PLXNA4: variants seen among roughly 807,000 people sequenced by gnomAD.
PLXNA4 encodes the protein plexin-A4.
PLXNA4 carries 44 observed loss-of-function variants against 191.8 expected under a neutral mutation model. The observed-to-expected ratio is 0.23, with a 90% CI of 0.18 to 0.29. The LOEUF is 0.29. Ranked by LOEUF, PLXNA4 falls within the 10% of genes least tolerant of loss-of-function variation. The probability of loss-of-function intolerance (pLI) is 1.00; values close to 1 mark genes in which losing one functional copy is unlikely to be tolerated. For synonymous variants in PLXNA4, 1,082 were observed against 1,009.5 expected (o/e 1.07, Z -1.36); for missense variants, 1,800 against 2,488.8 (o/e 0.72, Z 5.89).
In PLXNA4 at chr7:132,227,371, T is replaced by TC. The variant is rs1391290996; in HGVS notation, c.1882+79dup. 4.7e-5 allele frequency: 74 copies of TC among 1,571,204 alleles called. 1 individual carries two copies. The Middle Eastern group carries it at 9.6e-4, about 20-fold the overall frequency. ...CTCTCCTGCCTGCAGGTTGCTTTGA[T>TC]CCCCCCACATCTGTCCTGAGTTCTC... On this transcript the variant is annotated intron_variant, in intron 7 of 31. Transcript: ENST00000321063.
intron 3 of PLXNA4, among the ~76,000 whole-genome samples, chr7:132,416,179 G>A (rs1183727262): frequency 6.6e-6 from 1 of 152,204 alleles, no homozygotes; most frequent in Non-Finnish European, 1.5e-5. Flanking sequence ...GCTAGATGAT[G>A]GCAAATAGAA....
intron 25 of PLXNA4, among the ~76,000 whole-genome samples, chr7:132,156,497 G>A (rs1241520068): frequency 6.6e-6 from 1 of 152,206 alleles, no homozygotes; most frequent in African/African-American, 2.4e-5. Context: ...GAGCTGGCCT[G>A]GGATGGGTGC....
chr7:132,555,413 T>C (rs1370674334), intron 1 of PLXNA4, among the ~76,000 whole-genome samples: 3 of 152,204 alleles, frequency 2.0e-5, no homozygotes, highest in African/African-American at 7.2e-5. Context: ...TGTGACTATT[T>C]ATAAACCAAG....
At chr7:132,629,645 C>A (rs1319024066) in intron 2 of PLXNA4, among the ~76,000 whole-genome samples, 1 of 152,164 alleles carries the variant, frequency 6.6e-6, no homozygotes. Flanking sequence ...GCTTGGGCTG[C>A]CATAACAAAA....
At position 132,194,106 on chromosome 7, in the gene PLXNA4, GAC is replaced by G; in HGVS notation, c.2810_2811del (p.Cys937SerfsTer3). 2 of 1,613,712 alleles carry G rather than the reference GAC, an allele frequency of 1.2e-6. No homozygotes were observed. Among genetic ancestry groups the G allele is most frequent in the Non-Finnish European group, 1.7e-6 (2 of 1,179,854 alleles). On this transcript the variant is annotated frameshift_variant, in exon 14 of 32. Coordinates refer to ENST00000321063, the MANE Select transcript of PLXNA4 (RefSeq NM_020911.2). LOFTEE classifies it high-confidence loss of function. ...AGFVEICVAV[C>X]RPEFMARSSQ... Reference sequence around the variant, plus strand: ...GAGGACCGGGCCATGAATTCAGGCCGACACACAGCCACGCAGATCTCCACGAA... The same window carrying G: ...GAGGACCGGGCCATGAATTCAGGCCGACACAGCCACGCAGATCTCCACGAA...
At position 132,508,121 on chromosome 7, in the gene PLXNA4, C is replaced by G; in HGVS notation, c.573G>C (p.Gly191=). Residue 191 remains glycine, a synonymous_variant, in exon 2 of 32, where the codon GGG becomes GGC. Coordinates refer to ENST00000321063, the MANE Select transcript of PLXNA4 (RefSeq NM_020911.2). This position sits in a 1 kb window ranked among gnomAD's most constrained non-coding sequence, Gnocchi z 4.4. ...AGATGGTGGGAAAATACTCGGGCTT[C>G]CCATCCACTGCCGTGGCAATGAACA... The part of the protein sequence containing the change: ...DKLFIATAVD[G]KPEYFPTISS... 4 of 1,614,208 alleles carry G rather than the reference C, an allele frequency of 2.5e-6. No individual in the cohort carries two copies. Among genetic ancestry groups the G allele is most frequent in the Non-Finnish European group, 3.4e-6 (4 of 1,180,042 alleles).
At chr7:132,216,694 AT>A (rs1797973653) in intron 9 of PLXNA4, among the ~76,000 whole-genome samples, 1 of 152,230 alleles carries the variant, frequency 6.6e-6, no homozygotes, top group Non-Finnish European at 1.5e-5. Flanking sequence ...ACAAACACAT[AT>A]AAGATCACTC....
At chr7:132,298,347 A>G in intron 3 of PLXNA4, 125 bp from the exon 4 acceptor site, 1 of 1,291,274 alleles carries the variant, frequency 7.7e-7, no homozygotes, top group Non-Finnish European at 1.0e-6. Context: ...CAGTGCTCAC[A>G]GGCTAAAGCC....
chr7:132,562,998 CTCCT>C, intron 1 of PLXNA4, among the ~76,000 whole-genome samples: 1 of 101,924 alleles, frequency 9.8e-6, no homozygotes, highest in Non-Finnish European at 2.0e-5. Flanking sequence ...CCTCCTCCTC[CTCCT>C]TCTCCTCCTC....
chr7:132,644,965 T>G (rs569139739), intron 2 of PLXNA4, among the ~76,000 whole-genome samples: 1 of 152,146 alleles, frequency 6.6e-6, no homozygotes, highest in East Asian at 1.9e-4. Flanking sequence ...CCTGAGGGTA[T>G]TGGAGAGACC....
chr7:132,156,135 T>TATACACACACAC (rs1554374051), intron 25 of PLXNA4, among the ~76,000 whole-genome samples: 3 of 133,006 alleles, frequency 2.3e-5, no homozygotes, highest in African/African-American at 8.7e-5. Flanking sequence ...TTTCTGGACA[T>TATACACACACAC]ACACACACAC....
chr7:132,574,472 A>G (rs1802131594), intron 1 of PLXNA4, among the ~76,000 whole-genome samples: 1 of 152,248 alleles, frequency 6.6e-6, no homozygotes. Flanking sequence ...CCCGGAAGAC[A>G]GAGGTGGACC....
chr7:132,151,801 A>G (rs1461576964), intron 25 of PLXNA4, among the ~76,000 whole-genome samples: 2 of 152,162 alleles, frequency 1.3e-5, no homozygotes, highest in East Asian at 1.9e-4. Flanking sequence ...AAGCCTACCC[A>G]GCTGAACCCA....
At chr7:132,343,734 C>T (rs992552028) in intron 3 of PLXNA4, among the ~76,000 whole-genome samples, 14 of 152,150 alleles carry the variant, frequency 9.2e-5, no homozygotes, top group Non-Finnish European at 2.1e-4. Context: ...GCCTGGCCAA[C>T]ATGGTGAAAT....
intron 24 of PLXNA4, among the ~76,000 whole-genome samples, chr7:132,160,641 C>T (rs1037582122): frequency 3.9e-5 from 6 of 152,084 alleles, no homozygotes; most frequent in Admixed American, 2.6e-4. Context: ...GCCAAGTGGC[C>T]CTCCCCTTCT....
At chr7:132,375,537 A>G (rs77297069) in intron 3 of PLXNA4, among the ~76,000 whole-genome samples, 1 of 152,324 alleles carries the variant, frequency 6.6e-6, no homozygotes, top group Non-Finnish European at 1.5e-5. Flanking sequence ...CTCATGCAGC[A>G]CTCAGTAAGA....
At chr7:132,349,540 T>C (rs563844202) in intron 3 of PLXNA4, among the ~76,000 whole-genome samples, 1 of 152,354 alleles carries the variant, frequency 6.6e-6, no homozygotes, top group Admixed American at 6.5e-5. Context: ...TGATCATATT[T>C]GGAAAGGCCC....
At chr7:132,154,529 G>T (rs1795738301) in intron 25 of PLXNA4, among the ~76,000 whole-genome samples, 1 of 152,098 alleles carries the variant, frequency 6.6e-6, no homozygotes, top group South Asian at 2.1e-4. Flanking sequence ...TTTGTAAACT[G>T]TAAAGTGCTG....
At chr7:132,205,155 A>G (rs1271777783) in intron 10 of PLXNA4, among the ~76,000 whole-genome samples, 2 of 152,166 alleles carry the variant, frequency 1.3e-5, no homozygotes, top group Admixed American at 6.5e-5. Flanking sequence ...GAACTCAATC[A>G]TCACCTCCCC....
Sources: gnomAD v4.1 joint callset for allele counts (sites outside exome capture counted in the v4.1 genomes callset) on GRCh38, gnomAD v4.1.1 for gene constraint, Gnocchi (gnomAD v3.1) non-coding constraint, MANE v1.5 for transcripts, NCBI Gene and HGNC (gene_info 2026-07-23, HGNC 2026-07-21) for gene names.